The following RAB37 variants were observed in gnomAD, a reference collection of about 807,000 sequenced individuals.
RAB37 encodes ras-related protein Rab-37.
Under a neutral mutation model 33.1 loss-of-function variants are expected in RAB37, and 29 were observed. That is an observed-to-expected ratio of 0.88 (90% CI 0.65 to 1.20). RAB37 has a LOEUF of 1.20. RAB37 is among the 50% of genes most tolerant of loss of function. RAB37 has a pLI of 0.00. For synonymous variants in RAB37, 128 were observed against 119.5 expected (o/e 1.07, Z -0.47); for missense variants, 299 against 301.1 (o/e 0.99, Z 0.05).
At chr17:74,739,705 A>G (rs1347589535) in intron 1 of RAB37, among the ~76,000 whole-genome samples, 1 of 151,314 alleles carries the variant, frequency 6.6e-6, no homozygotes, top group Non-Finnish European at 1.5e-5. Context: ...AGTTTTTTGT[A>G]TTTTTAGTAG....
chr17:74,744,888 G>A lies in RAB37; in HGVS notation c.448G>A (p.Glu150Lys), dbSNP rs137872401. ...LLGNKADMSS[E>K]RVIRSEDGET... ...GGCTTGACAGGCGGATATGAGCAGC[G>A]AAAGAGTGATCCGTTCCGAAGACGG... The change falls in exon 7 of 9, where the codon GAA becomes AAA. Residue 150 changes from glutamate to lysine, a missense_variant. Coordinates refer to ENST00000392613, the MANE Select transcript of RAB37 (RefSeq NM_001006638.3). The surrounding 1 kb of genome is among the most constrained non-coding windows in gnomAD (Gnocchi z 4.2). 9.3e-5 allele frequency: 150 copies of A among 1,614,150 alleles called. No homozygotes were observed. The highest frequency in any genetic ancestry group is 1.6e-4 in the Middle Eastern group (1 of 6,084).
At chr17:74,700,752 AAAAC>A (rs2032974413) in intron 1 of RAB37, among the ~76,000 whole-genome samples, 1 of 152,122 alleles carries the variant, frequency 6.6e-6, no homozygotes, top group Non-Finnish European at 1.5e-5. Context: ...ACTCCGTCTC[AAAAC>A]AAACAAACAA....
At chr17:74,707,716 G>GAA (rs201223906) in intron 1 of RAB37, among the ~76,000 whole-genome samples, 18 of 102,430 alleles carry the variant, frequency 1.8e-4, no homozygotes, top group East Asian at 2.6e-4. Context: ...CTCCATCTCA[G>GAA]AAAAAAAAAA....
rs116780933 is a variant in RAB37, at chr17:74,676,133, C to G, written c.72+4475C>G. Among the ~76,000 whole-genome samples the G allele has an allele frequency of 1.0e-2, 1,520 of 152,152 alleles. 26 individuals carry two copies. Among genetic ancestry groups the G allele is most frequent in the African/African-American group, 0.034 (1,409 of 41,518 alleles). On this transcript the variant is annotated intron_variant, in intron 1 of 7. Transcript: ENST00000340415. This position sits in a 1 kb window ranked among gnomAD's most constrained non-coding sequence, Gnocchi z 4.1. ...GTGCCAGGGTCTGACCTTGAGCTCC[C>G]AGAAAATGAAAAGATTTTCATTTCA...
intron 1 of RAB37, among the ~76,000 whole-genome samples, chr17:74,702,038 C>G (rs1290149889): frequency 4.0e-5 from 6 of 150,996 alleles, no homozygotes; most frequent in Admixed American, 4.0e-4. Context: ...AAAAAGAAAA[C>G]TTTAAAAAGT....
intron 1 of RAB37, among the ~76,000 whole-genome samples, chr17:74,706,466 G>A (rs1250487551): frequency 1.3e-5 from 2 of 151,494 alleles, no homozygotes; most frequent in Admixed American, 6.6e-5. Context: ...TTGGGAGTTC[G>A]AGATCAGCCT....
At chr17:74,700,409 C>T (rs1253496275) in intron 1 of RAB37, among the ~76,000 whole-genome samples, 1 of 152,060 alleles carries the variant, frequency 6.6e-6, no homozygotes, top group Non-Finnish European at 1.5e-5. Flanking sequence ...CTCCAGAGCT[C>T]TGTGTGGCTC....
chr17:74,687,788 C>T (rs2032084267), intron 1 of RAB37, among the ~76,000 whole-genome samples: 1 of 152,156 alleles, frequency 6.6e-6, no homozygotes, highest in South Asian at 2.1e-4. Flanking sequence ...CGGGTCCATG[C>T]CTGGAGAACA....
intron 1 of RAB37, among the ~76,000 whole-genome samples, chr17:74,680,056 T>A (rs912228092): frequency 5.3e-5 from 8 of 151,354 alleles, no homozygotes; most frequent in Non-Finnish European, 1.0e-4. Flanking sequence ...GAAGCCTGAA[T>A]CATTACAGCA....
chr17:74,739,835 G>A (rs1279601550), intron 1 of RAB37, among the ~76,000 whole-genome samples: 2 of 152,008 alleles, frequency 1.3e-5, no homozygotes, highest in African/African-American at 4.8e-5. Flanking sequence ...CCGGCCTCAT[G>A]CAACCTTTTA....
chr17:74,711,660 C>A (rs1287327736), intron 1 of RAB37, among the ~76,000 whole-genome samples: 1 of 152,158 alleles, frequency 6.6e-6, no homozygotes, highest in African/African-American at 2.4e-5. Context: ...CTCGTATCTA[C>A]TGTTCCCTGT....
chr17:74,684,849 T>A (rs1257749509), intron 1 of RAB37, among the ~76,000 whole-genome samples: 1 of 136,552 alleles, frequency 7.3e-6, no homozygotes, highest in African/African-American at 2.7e-5. Flanking sequence ...TTTATACATA[T>A]GTGTGAGATA....
upstream of RAB37, among the ~76,000 whole-genome samples, chr17:74,733,581 G>A (rs899956564): frequency 3.1e-4 from 12 of 38,226 alleles, no homozygotes; most frequent in African/African-American, 1.0e-3. Flanking sequence ...GGTGAGGTGT[G>A]TGTGTCTGTG....
intron 1 of RAB37, among the ~76,000 whole-genome samples, chr17:74,718,297 A>AACATCATATCATATCAT: frequency 6.8e-6 from 1 of 146,468 alleles, no homozygotes; most frequent in African/African-American, 2.5e-5. Context: ...CTGTCTCTAA[A>AACATCATATCATATCAT]ACATCATATC....
upstream of RAB37, among the ~76,000 whole-genome samples, chr17:74,734,741 G>A (rs574179981): frequency 1.9e-4 from 29 of 152,120 alleles, no homozygotes; most frequent in Middle Eastern, 6.8e-3. Flanking sequence ...TACTTGGGAG[G>A]CTGAGGCAGG....
intron 1 of RAB37, among the ~76,000 whole-genome samples, chr17:74,685,166 G>A (rs1044387224): frequency 1.4e-4 from 21 of 150,990 alleles, no homozygotes; most frequent in African/African-American, 4.9e-4. Flanking sequence ...GATAGCCATG[G>A]GATAGAAGGT....
upstream of RAB37, chr17:74,736,562 T>C: frequency 1.3e-6 from 2 of 1,493,470 alleles, no homozygotes; most frequent in Non-Finnish European, 1.8e-6. Context: ...TCAGGAGCGG[T>C]CCACTGGGAG....
At chr17:74,708,146 TC>T (rs770421216) in intron 1 of RAB37, among the ~76,000 whole-genome samples, 5 of 78,466 alleles carry the variant, frequency 6.4e-5, no homozygotes, top group Admixed American at 4.6e-4. Flanking sequence ...AGACTCCATC[TC>T]AAAAAAAAAA....
chr17:74,704,834 A>C, intron 1 of RAB37: 1 of 1,590,126 alleles, frequency 6.3e-7, no homozygotes. Context: ...ACACAAATTC[A>C]TGTGCTGTCA....
Sources: allele counts gnomAD v4.1 joint callset (sites outside exome capture counted in the v4.1 genomes callset), GRCh38; gene constraint gnomAD v4.1.1; non-coding constraint Gnocchi (gnomAD v3.1); transcripts MANE v1.5; gene names NCBI Gene and HGNC (gene_info 2026-07-23, HGNC 2026-07-21).